The following CDH13 variants were observed in gnomAD, a reference collection of about 807,000 sequenced individuals.
CDH13 encodes cadherin 13.
CDH13 carries 24 observed loss-of-function variants against 63.8 expected under a neutral mutation model. The ratio of observed to expected loss-of-function variants is 0.38; its 90% confidence interval spans 0.27 to 0.53. The LOEUF is 0.53. CDH13 is among the 20% of genes least tolerant of loss of function. The pLI is 0.85. For missense variants in CDH13, 1,049 were observed against 903.1 expected, an observed-to-expected ratio of 1.16 and a Z score of -2.07; for synonymous variants, 503 against 355.3, an observed-to-expected ratio of 1.42 and a Z score of -4.67.
intron 7 of CDH13, among the ~76,000 whole-genome samples, chr16:83,508,939 C>G (rs968464916): frequency 1.3e-5 from 2 of 151,562 alleles, no homozygotes; most frequent in Admixed American, 1.3e-4. Flanking sequence ...TAATGGGTAC[C>G]TGGAGTTGAG....
chr16:83,497,088 T>A (rs945753740), intron 7 of CDH13, among the ~76,000 whole-genome samples: 2 of 152,188 alleles, frequency 1.3e-5, no homozygotes, highest in African/African-American at 2.4e-5. Context: ...TCAACCATTG[T>A]GGAAGTCAGT....
intron 1 of CDH13, among the ~76,000 whole-genome samples, chr16:82,706,911 A>G (rs947834489): frequency 6.6e-6 from 1 of 152,226 alleles, no homozygotes; most frequent in Admixed American, 6.5e-5. Flanking sequence ...CAATGTTTTT[A>G]CGAATATTCT....
intron 10 of CDH13, among the ~76,000 whole-genome samples, chr16:83,702,175 C>G (rs1906339620): frequency 6.6e-6 from 1 of 152,152 alleles, no homozygotes; most frequent in South Asian, 2.1e-4. Flanking sequence ...CTGACGTATT[C>G]CAGAGGCTTG....
chr16:82,899,653 A>G (rs944238890), intron 2 of CDH13, among the ~76,000 whole-genome samples: 1 of 152,050 alleles, frequency 6.6e-6, no homozygotes, highest in African/African-American at 2.4e-5. Flanking sequence ...TTGGCCTTAT[A>G]GTTTATTGAG....
chr16:83,077,158 C>G (rs375033554), intron 3 of CDH13, among the ~76,000 whole-genome samples: 4 of 96,576 alleles, frequency 4.1e-5, no homozygotes, highest in East Asian at 2.9e-4. Context: ...TTTTCTTTTT[C>G]TTTCTTTTCT....
intron 7 of CDH13, among the ~76,000 whole-genome samples, chr16:83,589,548 T>G (rs896801066): frequency 6.6e-6 from 1 of 151,950 alleles, no homozygotes; most frequent in African/African-American, 2.4e-5. Flanking sequence ...AGGTAAAATA[T>G]TCACAGATTC....
chr16:83,268,813 G>T (rs1216104410), intron 5 of CDH13, among the ~76,000 whole-genome samples: 1 of 152,164 alleles, frequency 6.6e-6, no homozygotes, highest in African/African-American at 2.4e-5. Context: ...CCTAAGGAGT[G>T]AGTGTCTGAG....
intron 7 of CDH13, among the ~76,000 whole-genome samples, chr16:83,532,642 G>C (rs369364112): frequency 1.3e-5 from 2 of 152,216 alleles, no homozygotes; most frequent in African/African-American, 4.8e-5. Context: ...CATTCGCCAT[G>C]TCAGTTTCTT....
At chr16:82,759,826 A>G (rs1240418337) in intron 1 of CDH13, among the ~76,000 whole-genome samples, 5 of 151,968 alleles carry the variant, frequency 3.3e-5, no homozygotes, top group Non-Finnish European at 5.9e-5. Context: ...ATTCTCCCCT[A>G]TCCTGACGCA....
At chr16:82,711,869 T>C (rs1266326239) in intron 1 of CDH13, among the ~76,000 whole-genome samples, 2 of 152,202 alleles carry the variant, frequency 1.3e-5, no homozygotes, top group Non-Finnish European at 2.9e-5. Context: ...CTGAGTTAGG[T>C]GCTCATATTA....
At chr16:83,673,271 C>T (rs968441356) in intron 9 of CDH13, among the ~76,000 whole-genome samples, 4 of 152,180 alleles carry the variant, frequency 2.6e-5, no homozygotes, top group African/African-American at 4.8e-5. Context: ...ATTCGTTCAT[C>T]GGACATAGCA....
rs142748551 is a variant in CDH13, at chr16:82,782,949, C to A, written c.46-75413C>A. On this transcript the variant is annotated intron_variant, in intron 1 of 13. Transcript: ENST00000567109. ...ACTAGGGGCAACTCTACTTCCCAAACAAGAACATAGACTTTGTGGAGCTTT... is the reference window on the plus strand; with the variant it reads ...ACTAGGGGCAACTCTACTTCCCAAAAAAGAACATAGACTTTGTGGAGCTTT... Among the ~76,000 whole-genome samples, 4 of 152,290 alleles carry A rather than the reference C, an allele frequency of 2.6e-5. No homozygotes were observed. In the East Asian group the frequency reaches 5.8e-4, roughly 22 times the overall value.
intron 3 of CDH13, among the ~76,000 whole-genome samples, chr16:83,054,173 C>T (rs2030682889): frequency 6.6e-6 from 1 of 152,142 alleles, no homozygotes; most frequent in African/African-American, 2.4e-5. Flanking sequence ...GTATTGTTTG[C>T]ACAATGCCAG....
rs144214375 is a variant in CDH13, at chr16:83,451,047, G to A, written c.782-35430G>A. On this transcript the variant is annotated intron_variant, in intron 6 of 13. Transcript: ENST00000567109. ...CTGAGAATCTGGATTTTTAATAAGC[G>A]CCCCCAGTGATGCTGCTGGTCTGGG... 5.4e-4 allele frequency among the ~76,000 whole-genome samples: 82 copies of A among 152,212 alleles called. No individual in the cohort carries two copies. The East Asian group carries it at 0.012, about 23-fold the overall frequency.
At chr16:83,383,986 A>G (rs2091622267) in intron 6 of CDH13, among the ~76,000 whole-genome samples, 1 of 152,172 alleles carries the variant, frequency 6.6e-6, no homozygotes, top group African/African-American at 2.4e-5. Flanking sequence ...ATATACGTAC[A>G]TATATATGGG....
At chr16:83,347,951 G>A (rs1472712442) in intron 6 of CDH13, among the ~76,000 whole-genome samples, 1 of 152,156 alleles carries the variant, frequency 6.6e-6, no homozygotes, top group Non-Finnish European at 1.5e-5. Context: ...CAGTACTTTG[G>A]GAGGCTGAGG....
At chr16:83,521,813 G>C (rs2074844463) in intron 7 of CDH13, among the ~76,000 whole-genome samples, 1 of 152,174 alleles carries the variant, frequency 6.6e-6, no homozygotes, top group South Asian at 2.1e-4. Context: ...CACTGACCTT[G>C]ACCTGAGTGA....
At chr16:83,245,637 A>C (rs889354093) in intron 5 of CDH13, among the ~76,000 whole-genome samples, 1 of 152,266 alleles carries the variant, frequency 6.6e-6, no homozygotes, top group African/African-American at 2.4e-5. Context: ...TTCTCAATGC[A>C]GTAGACTTAG....
chr16:83,310,340 T>C (rs1323844123), intron 5 of CDH13, among the ~76,000 whole-genome samples: 1 of 152,238 alleles, frequency 6.6e-6, no homozygotes, highest in Non-Finnish European at 1.5e-5. Flanking sequence ...TCTGTGATTG[T>C]TGCTTGAGAA....
Sources: gnomAD v4.1 joint callset for allele counts (sites outside exome capture counted in the v4.1 genomes callset) on GRCh38, gnomAD v4.1.1 for gene constraint, MANE v1.5 for transcripts, NCBI Gene and HGNC (gene_info 2026-07-23, HGNC 2026-07-21) for gene names.